Variants in TNFRSF13B observed in about 807,000 individuals in gnomAD.
TNFRSF13B encodes the protein TNF receptor superfamily member 13B.
In TNFRSF13B, 34 loss-of-function variants were observed where a neutral mutation model predicts 24.0. The observed-to-expected ratio is 1.41, with a 90% CI of 1.08 to 1.88. TNFRSF13B has a LOEUF of 1.88. Ranked by LOEUF, TNFRSF13B falls within the 40% of genes most tolerant of loss-of-function variation. The pLI is 0.00. For missense variants in TNFRSF13B, 415 were observed against 380.8 expected, an observed-to-expected ratio of 1.09 and a Z score of -0.75; for synonymous variants, 173 against 150.3, an observed-to-expected ratio of 1.15 and a Z score of -1.10.
Position 16,939,418 on chromosome 17 carries a change from CTCT to C in TNFRSF13B, c.*126_*128del, listed in dbSNP as rs2087489688. ...CTGTCTCTCTCTCCCTCTCTGTCTC[CTCT>C]GTTTCTCTCCCTCTCTGCCTCCTCT... On this transcript the variant is annotated 3_prime_UTR_variant, in exon 5 of 5. Coordinates refer to ENST00000261652, the MANE Select transcript of TNFRSF13B (RefSeq NM_012452.3). 7 of 1,150,700 alleles carry C rather than the reference CTCT, an allele frequency of 6.1e-6. 1 individual carries two copies. The highest frequency in any genetic ancestry group is 1.6e-5 in the African/African-American group (1 of 64,332). The allele number at this position is 1,150,700 out of a possible 1,614,324, so 71.3% of individuals were successfully genotyped here.
intron 1 of TNFRSF13B, among the ~76,000 whole-genome samples, chr17:16,956,926 G>A (rs998845729): frequency 2.6e-5 from 4 of 152,170 alleles, no homozygotes. Flanking sequence ...AAGATACTCC[G>A]ATGGTGGACA....
At chr17:16,940,202 A>G (rs2087499090) in intron 4 of TNFRSF13B, 124 bp downstream of exon 4, 4 of 1,595,242 alleles carry the variant, frequency 2.5e-6, no homozygotes, top group Non-Finnish European at 3.4e-6. Flanking sequence ...AGGTATAGCA[A>G]GTAACAGGGA....
At chr17:16,961,460 A>G (rs1196984715) in intron 1 of TNFRSF13B, among the ~76,000 whole-genome samples, 1 of 152,258 alleles carries the variant, frequency 6.6e-6, no homozygotes, top group Non-Finnish European at 1.5e-5. Flanking sequence ...AACTTTGAAG[A>G]TATTATGCTA....
At chr17:16,958,486 T>C (rs2087639586) in intron 1 of TNFRSF13B, among the ~76,000 whole-genome samples, 2 of 151,658 alleles carry the variant, frequency 1.3e-5, no homozygotes, top group African/African-American at 4.9e-5. Context: ...GAGACTTACT[T>C]TAGATTAAAA....
At chr17:16,942,024 A>G (rs774404171) in intron 3 of TNFRSF13B, among the ~76,000 whole-genome samples, 4 of 152,006 alleles carry the variant, frequency 2.6e-5, no homozygotes, top group Non-Finnish European at 5.9e-5. Context: ...GGTTGCTTCC[A>G]CTTTCTGGCT....
chr17:16,954,790 G>A (rs2087613650), intron 1 of TNFRSF13B, among the ~76,000 whole-genome samples: 1 of 152,184 alleles, frequency 6.6e-6, no homozygotes, highest in Admixed American at 6.5e-5. Context: ...CCATTCCAAG[G>A]CAGGTGCCAG....
In TNFRSF13B at chr17:16,948,781, T is replaced by C; in HGVS notation, c.402A>G (p.Gly134=). 8 of 1,614,232 alleles carry C rather than the reference T, an allele frequency of 5.0e-6. No homozygotes were observed. The highest frequency in any genetic ancestry group is 6.8e-6 in the Non-Finnish European group (8 of 1,180,052). ...CTCTGTGCTCCAATCCTTGGTACCT[T>C]CCCGAGTTGTCTGAATTGTTTTCAA... is the stretch of plus-strand genomic sequence containing the variant. ...GEVENNSDNS[G]RYQGLEHRGS... Residue 134 remains glycine (G), a synonymous_variant, in exon 3 of 5, where the codon GGA becomes GGG. Transcript: ENST00000261652.
chr17:16,950,086 G>A (rs962707103), intron 2 of TNFRSF13B, among the ~76,000 whole-genome samples: 9 of 152,054 alleles, frequency 5.9e-5, no homozygotes, highest in Admixed American at 2.0e-4. Context: ...TCCTGACTTC[G>A]TAAATATGAA....
At chr17:16,963,871 C>G (rs1049471742) in intron 1 of TNFRSF13B, among the ~76,000 whole-genome samples, 4 of 152,136 alleles carry the variant, frequency 2.6e-5, no homozygotes, top group Non-Finnish European at 5.9e-5. Context: ...GTCTTTCAAG[C>G]AAACACTGAC....
intron 1 of TNFRSF13B, among the ~76,000 whole-genome samples, chr17:16,955,994 C>G (rs559711651): frequency 1.3e-5 from 2 of 152,124 alleles, no homozygotes; most frequent in African/African-American, 4.8e-5. Flanking sequence ...ACTGAGGGGC[C>G]GGCACAAAGG....
chr17:16,948,800 T>C lies in TNFRSF13B; in HGVS notation c.383A>G (p.Asn128Ser). 1 of 1,614,206 alleles carries C rather than the reference T, an allele frequency of 6.2e-7. No individual in the cohort carries two copies. The highest frequency in any genetic ancestry group is 8.5e-7 in the Non-Finnish European group (1 of 1,180,032). The change falls in exon 3 of 5, where the codon AAC becomes AGC. Residue 128 changes from asparagine (N) to serine (S), a missense_variant. Coordinates refer to ENST00000261652, the MANE Select transcript of TNFRSF13B (RefSeq NM_012452.3). Reference protein sequence around the residue: ...LRRQRSGEVENNSDNSGRYQG... With the variant: ...LRRQRSGEVESNSDNSGRYQG... ...GTACCTTCCCGAGTTGTCTGAATTGTTTTCAACTTCTCCACTCCGCTGTCT... is the reference window on the plus strand; with the variant it reads ...GTACCTTCCCGAGTTGTCTGAATTGCTTTCAACTTCTCCACTCCGCTGTCT...
chr17:16,955,499 T>A (rs1363389257), intron 1 of TNFRSF13B, among the ~76,000 whole-genome samples: 2 of 152,216 alleles, frequency 1.3e-5, no homozygotes, highest in Non-Finnish European at 2.9e-5. Context: ...TCGAATAAAT[T>A]GTCTAGAAAA....
At chr17:16,971,160 C>T (rs1181837754) in intron 1 of TNFRSF13B, among the ~76,000 whole-genome samples, 1 of 152,136 alleles carries the variant, frequency 6.6e-6, no homozygotes, top group Non-Finnish European at 1.5e-5. Flanking sequence ...TCAGCCTGGC[C>T]AACGTGGCGA....
intron 1 of TNFRSF13B, among the ~76,000 whole-genome samples, chr17:16,971,209 C>A (rs975746318): frequency 2.6e-5 from 4 of 151,948 alleles, no homozygotes; most frequent in African/African-American, 9.7e-5. Context: ...ATTAGCCGGG[C>A]GTGGTGGTGG....
At position 16,940,397 on chromosome 17, in the gene TNFRSF13B, T is replaced by G; in HGVS notation, c.560A>C (p.Lys187Thr). The change falls in exon 4 of 5, where the codon AAG becomes ACG. Residue 187 changes from lysine to threonine, a missense_variant. Coordinates refer to ENST00000261652, the MANE Select transcript of TNFRSF13B (RefSeq NM_012452.3). ...CFLVAVACFLKKRGDPCSCQP... is the reference protein window; with the variant it reads ...CFLVAVACFLTKRGDPCSCQP... The stretch of plus-strand genomic sequence containing the variant: ...GCAGGAGCAGGGATCCCCCCTCTTC[T>G]TGAGGAAGCAGGCCACCGCCACCAG... The G allele has an allele frequency of 6.2e-7, 1 of 1,613,898 alleles. No homozygotes were observed. The highest frequency in any genetic ancestry group is 8.5e-7 in the Non-Finnish European group (1 of 1,179,982).
intron 3 of TNFRSF13B, chr17:16,941,513 ACACGT>A: frequency 1.0e-6 from 1 of 987,640 alleles, no homozygotes; most frequent in Non-Finnish European, 1.2e-6. Context: ...ATTTAAGATG[ACACGT>A]CAAGAAGAGC....
rs561141258 is a variant in TNFRSF13B, at chr17:16,939,272, TCTCTCTGCCTCTCTCC to T, written c.*259_*274del. ...CTCTCTGTCCCTCTCTCCCTCTCTGTCTCTCTGCCTCTCTCCCTCTCTGCCTCTCTCCCTCTCTGCC... is the reference window on the plus strand; with the variant it reads ...CTCTCTGTCCCTCTCTCCCTCTCTGTCTCTCTGCCTCTCTCCCTCTCTGCC... On this transcript the variant is annotated 3_prime_UTR_variant, in exon 5 of 5. Coordinates refer to ENST00000261652, the MANE Select transcript of TNFRSF13B (RefSeq NM_012452.3). 7.7e-4 allele frequency: 331 copies of T among 430,390 alleles called. 2 individuals carry two copies. The highest frequency in any genetic ancestry group is 4.0e-3 in the South Asian group (114 of 28,580). 26.7% of individuals were successfully genotyped at this position (430,390 alleles called of 1,614,324 possible).
chr17:16,966,832 C>A (rs1180082905), intron 1 of TNFRSF13B, among the ~76,000 whole-genome samples: 1 of 95,854 alleles, frequency 1.0e-5, no homozygotes. Context: ...TTTTCTTTTT[C>A]TTTTTTCTTT....
At chr17:16,967,599 A>G (rs561398445) in intron 1 of TNFRSF13B, among the ~76,000 whole-genome samples, 1 of 151,736 alleles carries the variant, frequency 6.6e-6, no homozygotes, top group East Asian at 1.9e-4. Flanking sequence ...ATATAAAAAA[A>G]AAATTAGCCG....
Sources: gnomAD v4.1 joint callset for allele counts (sites outside exome capture counted in the v4.1 genomes callset) on GRCh38, gnomAD v4.1.1 for gene constraint, MANE v1.5 for transcripts, NCBI Gene and HGNC (gene_info 2026-07-23, HGNC 2026-07-21) for gene names.